ADAMTS10: variants seen among roughly 807,000 people sequenced by gnomAD.
The protein encoded by ADAMTS10 is ADAM metallopeptidase with thrombospondin type 1 motif 10, also known as A disintegrin and metalloproteinase with thrombospondin motifs 10.
Under a neutral mutation model 135.9 loss-of-function variants are expected in ADAMTS10, and 48 were observed. The observed-to-expected ratio is 0.35, with a 90% CI of 0.28 to 0.45. ADAMTS10 has a LOEUF of 0.45. Ranked by LOEUF, ADAMTS10 falls within the 20% of genes least tolerant of loss-of-function variation. The pLI, the probability that ADAMTS10 is intolerant of heterozygous loss-of-function variation, is 1.00. For missense variants in ADAMTS10, 1,131 were observed against 1,565.2 expected (o/e 0.72, Z 4.68); for synonymous variants, 621 against 647.5 (o/e 0.96, Z 0.62).
intron 5 of ADAMTS10, among the ~76,000 whole-genome samples, chr19:8,602,597 A>G (rs1385463303): frequency 2.6e-5 from 4 of 152,084 alleles, no homozygotes; most frequent in African/African-American, 7.2e-5. Flanking sequence ...CTGGGATTAC[A>G]GGCGTGAGAC....
intron 6 of ADAMTS10, among the ~76,000 whole-genome samples, chr19:8,600,656 A>C (rs548089845): frequency 2.0e-5 from 3 of 149,502 alleles, no homozygotes; most frequent in Non-Finnish European, 4.4e-5. Flanking sequence ...CCGCCACCAC[A>C]CTCGGCTAAT....
chr19:8,585,303 G>A lies in ADAMTS10; in HGVS notation c.2871C>T (p.Thr957=). 1.3e-6 allele frequency: 2 copies of A among 1,529,146 alleles called. No individual in the cohort carries two copies. Among genetic ancestry groups the A allele is most frequent in the South Asian group, 2.4e-5 (2 of 83,978 alleles). 94.7% of individuals were successfully genotyped at this position (1,529,146 alleles called of 1,614,324 possible). A position where few individuals can be genotyped will look rare whatever the true frequency, so the allele number is the denominator to read the frequency against. ...GGCGGAGGCCCGGCCCGCAGCTGGG[G>A]GTGCACTGCAGTTGGAAGGGGCGTT... The part of the protein sequence containing the change: ...EWAALDWSEC[T]PSCGPGLRHR... The change falls in exon 24 of 26, where the codon ACC becomes ACT. Residue 957 remains threonine, a synonymous_variant. Coordinates refer to ENST00000597188, the MANE Select transcript of ADAMTS10 (RefSeq NM_030957.4).
chr19:8,586,710 C>T lies in ADAMTS10; in HGVS notation c.2251G>A (p.Asp751Asn), dbSNP rs1410011436. The change falls in exon 20 of 26, where the codon GAC becomes AAC. Residue 751 changes from aspartate (D) to asparagine (N), a missense_variant. This residue lies in a region of ADAMTS10 where 745 missense variants were observed against 1,056.3 expected (regional missense o/e 0.71). Coordinates refer to ENST00000597188, the MANE Select transcript of ADAMTS10 (RefSeq NM_030957.4). ...CCCTCCAGCAGCAGGGACTCCTGGT[C>T]TCCCTTCAGGGCTGGGGGACGATGC... ...LSLSHLALKGDQESLLLEGLP... is the reference protein window; with the variant it reads ...LSLSHLALKGNQESLLLEGLP... 1 of 1,613,296 alleles carries T rather than the reference C, an allele frequency of 6.2e-7. No homozygotes were observed.
chr19:8,580,698 A>C lies in ADAMTS10; in HGVS notation c.*195T>G. 1 of 578,808 alleles carries C rather than the reference A, an allele frequency of 1.7e-6. No homozygotes were observed. 35.9% of individuals were successfully genotyped at this position (578,808 alleles called of 1,614,324 possible). On this transcript the variant is annotated 3_prime_UTR_variant, in exon 26 of 26. Transcript: ENST00000597188. ...GAACTGGAAGGGGCGGATGCTGAAG[A>C]GGGGCTCTGGGGGGATAGCCAGCCC... is the stretch of plus-strand genomic sequence containing the variant.
In ADAMTS10 at chr19:8,586,456, G is replaced by A. The variant is rs782520560; in HGVS notation, c.2418C>T (p.Thr806=). 1 of 1,613,748 alleles carries A rather than the reference G, an allele frequency of 6.2e-7. No homozygotes were observed. Among genetic ancestry groups the A allele is most frequent in the Non-Finnish European group, 8.5e-7 (1 of 1,179,992 alleles). Reference sequence around the variant, plus strand: ...AGCGGTAGCGGAGGGCAGGCAGCTCGGTCCGGGCCAGCACCTGGAGAAAGG... The same window carrying A: ...AGCGGTAGCGGAGGGCAGGCAGCTCAGTCCGGGCCAGCACCTGGAGAAAGG... ...ASLIVMVLAR[T]ELPALRYRFN... The change falls in exon 21 of 26, where the codon ACC becomes ACT. Residue 806 remains threonine, a synonymous_variant. Transcript: ENST00000597188.
In ADAMTS10 at chr19:8,588,724, C is replaced by T. The variant is rs113494861; in HGVS notation, c.2158+518G>A. Among the ~76,000 whole-genome samples, 226 of 152,238 alleles carry T rather than the reference C, an allele frequency of 1.5e-3. 2 individuals carry two copies. The highest frequency in any genetic ancestry group is 5.0e-3 in the African/African-American group (208 of 41,548). ...CACAGAGGATGGAAAGTGATGCTTG[C>T]TTCCACCCAGACGTGGCATGAGCTT... On this transcript the variant is annotated intron_variant, in intron 18 of 25. Coordinates refer to ENST00000597188, the MANE Select transcript of ADAMTS10 (RefSeq NM_030957.4).
chr19:8,600,456 TTCTTTCTTTTC>T (rs1340249584), intron 6 of ADAMTS10, among the ~76,000 whole-genome samples: 7 of 142,466 alleles, frequency 4.9e-5, no homozygotes, highest in East Asian at 3.1e-4. Context: ...TCCTCTCTCT[TTCTTTCTTTTC>T]TCTTTCTTTC....
chr19:8,600,719 C>T lies in ADAMTS10; in HGVS notation c.810+209G>A, dbSNP rs544637326. ...TTCACCGTGTTAGCCAGGATGGTCTCCATCTCCTGACCTTGTGATCTGCCC... is the reference window on the plus strand; with the variant it reads ...TTCACCGTGTTAGCCAGGATGGTCTTCATCTCCTGACCTTGTGATCTGCCC... On this transcript the variant is annotated intron_variant, in intron 6 of 25. Coordinates refer to ENST00000597188, the MANE Select transcript of ADAMTS10 (RefSeq NM_030957.4). 9.2e-5 allele frequency among the ~76,000 whole-genome samples: 14 copies of T among 152,028 alleles called. No homozygotes were observed. In the South Asian group the frequency reaches 1.9e-3, roughly 21 times the overall value.
chr19:8,588,232 A>T (rs1555737818), intron 18 of ADAMTS10, among the ~76,000 whole-genome samples: 1 of 151,940 alleles, frequency 6.6e-6, no homozygotes, highest in Non-Finnish European at 1.5e-5. Flanking sequence ...TGGGTGACAG[A>T]TTGAGACTCT....
intron 18 of ADAMTS10, among the ~76,000 whole-genome samples, chr19:8,588,401 C>G (rs539700892): frequency 6.6e-6 from 1 of 151,900 alleles, no homozygotes; most frequent in African/African-American, 2.4e-5. Context: ...TTGATGCCAG[C>G]GGCCAGGCTG....
Position 8,596,149 on chromosome 19 carries a change from C to A in ADAMTS10, c.1261G>T (p.Ala421Ser), listed in dbSNP as rs2146080485. ...ARGQDPAKLM[A>S]AHITMKTNPF... is the part of the protein sequence containing the mutation. ...TTGGTCTTCATGGTAATGTGGGCAG[C>A]CATGAGCTTGGCTGGGTCCTGACCA... Residue 421 changes from alanine (A) to serine (S), a missense_variant, in exon 11 of 26, where the codon GCT (alanine) becomes TCT (serine). Around this residue, in one of 3 missense-constraint regions of ADAMTS10, gnomAD observed 745 missense variants for 1,056.3 expected, o/e 0.71. Transcript: ENST00000597188. This position sits in a 1 kb window ranked among gnomAD's most constrained non-coding sequence, Gnocchi z 7.2. 6 of 1,614,210 alleles carry A rather than the reference C, an allele frequency of 3.7e-6. No individual in the cohort carries two copies. The East Asian group carries it at 1.3e-4, about 36-fold the overall frequency.
rs1390559927 is a variant in ADAMTS10, at chr19:8,591,733, C to T, written c.1797+67G>A. 11 of 1,589,588 alleles carry T rather than the reference C, an allele frequency of 6.9e-6. No homozygotes were observed. The African/African-American group carries it at 9.4e-5, about 14-fold the overall frequency. On this transcript the variant is annotated intron_variant, in intron 15 of 25. Transcript: ENST00000597188. ...GGGATTACAGGCGTGAGCCACGGTGCCCGGCCTCTGATAGCTGTTTTTAAT... is the reference window on the plus strand; with the variant it reads ...GGGATTACAGGCGTGAGCCACGGTGTCCGGCCTCTGATAGCTGTTTTTAAT...
At chr19:8,602,201 C>T (rs1163587104) in intron 5 of ADAMTS10, among the ~76,000 whole-genome samples, 3 of 152,302 alleles carry the variant, frequency 2.0e-5, no homozygotes, top group Non-Finnish European at 4.4e-5. Context: ...CGTCATCCAC[C>T]TTTTTTCTGT....
chr19:8,589,056 C>T (rs955045397), intron 18 of ADAMTS10, among the ~76,000 whole-genome samples, 186 bp downstream of exon 18: 3 of 152,152 alleles, frequency 2.0e-5, no homozygotes, highest in Non-Finnish European at 2.9e-5. Context: ...CCTCCAAAAG[C>T]GATGGGATTA....
Position 8,596,007 on chromosome 19 carries a change from T to C in ADAMTS10, c.1337+66A>G. ...CAGGGAGCATCCCTGATTTCTATCG[T>C]CTCCCGTGTACCCTGCCCCACCATG... On this transcript the variant is annotated intron_variant, in intron 11 of 25. Transcript: ENST00000597188. This position sits in a 1 kb window ranked among gnomAD's most constrained non-coding sequence, Gnocchi z 7.2. 1 of 1,613,766 alleles carries C rather than the reference T, an allele frequency of 6.2e-7. No homozygotes were observed. Among genetic ancestry groups the C allele is most frequent in the Non-Finnish European group, 8.5e-7 (1 of 1,179,848 alleles).
Position 8,596,042 on chromosome 19 carries a change from C to G in ADAMTS10, c.1337+31G>C, listed in dbSNP as rs782055051. The G allele has an allele frequency of 6.8e-6, 11 of 1,613,934 alleles. No homozygotes were observed. The highest frequency in any genetic ancestry group is 9.3e-6 in the Non-Finnish European group (11 of 1,179,972). On this transcript the variant is annotated intron_variant, in intron 11 of 25. Transcript: ENST00000597188. The surrounding 1 kb of genome is among the most constrained non-coding windows in gnomAD (Gnocchi z 7.2). ...ACCCTGCCCCACCATGAGTGTGACC[C>G]GCTCTGAGGGACACCCAGGTGCATC...
Position 8,586,839 on chromosome 19 carries a change from A to C in ADAMTS10, c.2216T>G (p.Leu739Arg). The change falls in exon 19 of 26, where the codon CTG (leucine) becomes CGG (arginine). Residue 739 changes from leucine to arginine, a missense_variant. Physicochemically the swap from Leu to Arg is moderately radical, Grantham distance 102. Coordinates refer to ENST00000597188, the MANE Select transcript of ADAMTS10 (RefSeq NM_030957.4). ...KGSVHIFIQDLNLSLSHLALK... is the reference protein window; with the variant it reads ...KGSVHIFIQDRNLSLSHLALK... ...ACCCAAGTGACTGAGAGAGAGGTTC[A>C]GATCCTGGATGAAGATGTGGACGGA... The C allele has an allele frequency of 6.2e-7, 1 of 1,614,164 alleles. No homozygotes were observed. Among genetic ancestry groups the C allele is most frequent in the Non-Finnish European group, 8.5e-7 (1 of 1,180,030 alleles).
chr19:8,586,078 C>G (rs377236393), intron 22 of ADAMTS10, 44 bp downstream of exon 22: 135 of 1,611,480 alleles, frequency 8.4e-5, no homozygotes, highest in Admixed American at 1.8e-4. Context: ...CCAGGGAGTA[C>G]TCTCCTCTCA....
At chr19:8,608,422 TCCTCTC>T (rs1197442145) in intron 1 of ADAMTS10, among the ~76,000 whole-genome samples, 174 bp from the exon 2 acceptor site, 2 of 151,982 alleles carry the variant, frequency 1.3e-5, no homozygotes, top group African/African-American at 4.8e-5. Context: ...AAAACCCACC[TCCTCTC>T]CCTCTCCCTC....
Sources: gnomAD v4.1 joint callset for allele counts (sites outside exome capture counted in the v4.1 genomes callset) on GRCh38, gnomAD v4.1.1 for gene constraint, gnomAD v4.1.1 regional missense constraint, Gnocchi (gnomAD v3.1) non-coding constraint, MANE v1.5 for transcripts, NCBI Gene and HGNC (gene_info 2026-07-23, HGNC 2026-07-21) for gene names.